ASAP1: variants seen among roughly 807,000 people sequenced by gnomAD.
The protein encoded by ASAP1 is arf-GAP with SH3 domain, ANK repeat and PH domain-containing protein 1.
ASAP1 carries 43 observed loss-of-function variants against 145.2 expected under a neutral mutation model. The ratio of observed to expected loss-of-function variants is 0.30; its 90% CI spans 0.23 to 0.38. ASAP1 has a LOEUF of 0.38. ASAP1 is among the 10% of genes least tolerant of loss of function. The pLI, the probability that ASAP1 is intolerant of heterozygous loss-of-function variation, is 1.00. For missense variants in ASAP1, 1,018 were observed against 1,355.3 expected, an observed-to-expected ratio of 0.75 and a Z score of 3.91; for synonymous variants, 546 against 515.5, an observed-to-expected ratio of 1.06 and a Z score of -0.80.
At chr8:130,391,509 C>T (rs1009903020) in intron 2 of ASAP1, among the ~76,000 whole-genome samples, 2 of 152,136 alleles carry the variant, frequency 1.3e-5, no homozygotes, top group Admixed American at 6.5e-5. Flanking sequence ...TCACTACTAC[C>T]AACCAGAGAA....
chr8:130,355,287 TAAAAGA>T (rs1826238403), intron 3 of ASAP1, among the ~76,000 whole-genome samples: 1 of 152,158 alleles, frequency 6.6e-6, no homozygotes, highest in Admixed American at 6.5e-5. Flanking sequence ...GGAGACATAG[TAAAAGA>T]AAGAGTATGG....
At chr8:130,425,058 C>A (rs181101366) in intron 1 of ASAP1, among the ~76,000 whole-genome samples, 1 of 151,956 alleles carries the variant, frequency 6.6e-6, no homozygotes, top group African/African-American at 2.4e-5. Context: ...AGGCCGGGCG[C>A]AATGGCTTAT....
chr8:130,264,440 A>C (rs1416077344), intron 3 of ASAP1, among the ~76,000 whole-genome samples: 2 of 152,190 alleles, frequency 1.3e-5, no homozygotes, highest in East Asian at 3.9e-4. Context: ...CTTGGCTAGC[A>C]GGACTTATCC....
At chr8:130,115,557 T>G in intron 23 of ASAP1, 71 bp downstream of exon 23, 1 of 1,182,766 alleles carries the variant, frequency 8.5e-7, no homozygotes, top group Non-Finnish European at 1.2e-6. Context: ...TCACCAAAAA[T>G]GGATCTTGTC....
At chr8:130,271,446 TAAG>T (rs1586727328) in intron 3 of ASAP1, among the ~76,000 whole-genome samples, 1 of 152,230 alleles carries the variant, frequency 6.6e-6, no homozygotes, top group East Asian at 1.9e-4. Flanking sequence ...ATAGTTTTGA[TAAG>T]AAGATTATTT....
chr8:130,166,718 T>C (rs192917393), intron 11 of ASAP1, among the ~76,000 whole-genome samples: 1 of 152,308 alleles, frequency 6.6e-6, no homozygotes, highest in Admixed American at 6.5e-5. Context: ...CAGGTGTTAA[T>C]GAAATGTTTG....
chr8:130,191,091 T>A (rs1815107801), intron 5 of ASAP1, among the ~76,000 whole-genome samples: 1 of 148,526 alleles, frequency 6.7e-6, no homozygotes, highest in Non-Finnish European at 1.5e-5. Flanking sequence ...GTGGCCTGAG[T>A]CTCCTTGATT....
chr8:130,061,735 A>C (rs892021678), intron 27 of ASAP1, among the ~76,000 whole-genome samples: 1 of 152,248 alleles, frequency 6.6e-6, no homozygotes, highest in Non-Finnish European at 1.5e-5. Context: ...CAAGGGATAC[A>C]TAGTCTGAAA....
intron 3 of ASAP1, among the ~76,000 whole-genome samples, chr8:130,292,098 C>T (rs1821981093): frequency 6.6e-6 from 1 of 152,130 alleles, no homozygotes; most frequent in Admixed American, 6.5e-5. Flanking sequence ...CTTTAGCTTC[C>T]TGCCCCTACT....
At chr8:130,364,329 T>A (rs1400082319) in intron 2 of ASAP1, among the ~76,000 whole-genome samples, 2 of 152,236 alleles carry the variant, frequency 1.3e-5, no homozygotes, top group Admixed American at 1.3e-4. Context: ...TAATTGTGCT[T>A]AGTATTATGC....
At chr8:130,266,576 A>C (rs879350737) in intron 3 of ASAP1, among the ~76,000 whole-genome samples, 1 of 152,202 alleles carries the variant, frequency 6.6e-6, no homozygotes, top group Non-Finnish European at 1.5e-5. Context: ...TCCCACAGAG[A>C]AAGCCCTCCT....
chr8:130,443,261 G>C (rs1413598135), intron 1 of ASAP1, among the ~76,000 whole-genome samples, 199 bp downstream of exon 1: 1 of 151,692 alleles, frequency 6.6e-6, no homozygotes, highest in Non-Finnish European at 1.5e-5. Context: ...GAGCCTGGCC[G>C]CGCGTCCCGC....
chr8:130,360,840 A>C (rs1826677405), intron 2 of ASAP1: 1 of 152,222 alleles, frequency 6.6e-6, no homozygotes, highest in Non-Finnish European at 1.5e-5. Flanking sequence ...TGGTCTTTTG[A>C]AGTATGAGCT....
At chr8:130,412,034 T>G (rs1260512348) in intron 1 of ASAP1, among the ~76,000 whole-genome samples, 1 of 152,196 alleles carries the variant, frequency 6.6e-6, no homozygotes, top group African/African-American at 2.4e-5. Context: ...ACGCAGGCCC[T>G]GTATGGGTAT....
chr8:130,374,337 A>C (rs1827375281), intron 2 of ASAP1, among the ~76,000 whole-genome samples: 1 of 152,266 alleles, frequency 6.6e-6, no homozygotes, highest in East Asian at 1.9e-4. Flanking sequence ...CCATGAAGCT[A>C]ATACTAAAAA....
rs1213552751 is a variant in ASAP1 at position 130,115,648 on chromosome 8, C to T, written c.2152G>A (p.Asp718Asn). 2 of 1,613,568 alleles carry T rather than the reference C, an allele frequency of 1.2e-6. No individual in the cohort carries two copies. Among genetic ancestry groups the T allele is most frequent in the Non-Finnish European group, 1.7e-6 (2 of 1,179,642 alleles). ...CTCACTTTGTCATCCAGATCATCAT[C>T]GCTCTCATCTATCTCCTCCTGTCGA... ...NLRQEEIDES[D>N]DDLDDKPSPI... Residue 718 changes from aspartate (D) to asparagine (N), a missense_variant, in exon 23 of 30, where the codon GAT (aspartate) becomes AAT (asparagine). Physicochemically the swap from Asp to Asn is conservative, Grantham distance 23. Coordinates refer to ENST00000518721, the MANE Select transcript of ASAP1 (RefSeq NM_018482.4).
intron 1 of ASAP1, among the ~76,000 whole-genome samples, chr8:130,439,998 T>C (rs1429388173): frequency 2.0e-5 from 3 of 152,114 alleles, no homozygotes; most frequent in African/African-American, 4.8e-5. Flanking sequence ...AACGCCACCA[T>C]ACACCCAGCT....
At chr8:130,405,624 C>G (rs1422507388) in intron 1 of ASAP1, among the ~76,000 whole-genome samples, 2 of 152,188 alleles carry the variant, frequency 1.3e-5, no homozygotes, top group East Asian at 3.8e-4. Context: ...CTAATCCCAG[C>G]CTGGCCTACG....
At chr8:130,214,458 C>A in intron 5 of ASAP1, 98 bp downstream of exon 5, 1 of 1,258,220 alleles carries the variant, frequency 7.9e-7, no homozygotes. Context: ...ACCCCTAGGA[C>A]CAAGGATTGA....
Sources: allele counts gnomAD v4.1 joint callset (sites outside exome capture counted in the v4.1 genomes callset), GRCh38; gene constraint gnomAD v4.1.1; transcripts MANE v1.5; gene names NCBI Gene and HGNC (gene_info 2026-07-23, HGNC 2026-07-21).